CTNNA3: variants seen among roughly 807,000 people sequenced by gnomAD.
CTNNA3 encodes catenin alpha-3.
A neutral mutation model predicts 95.7 loss-of-function variants in CTNNA3; 76 were observed. The observed-to-expected ratio is 0.79, with a 90% confidence interval of 0.66 to 0.96. CTNNA3 has a LOEUF of 0.96. CTNNA3 is among the 40% of genes least tolerant of loss of function. The pLI, the probability that CTNNA3 is intolerant of heterozygous loss-of-function variation, is 0.00. For missense variants in CTNNA3, 1,191 were observed against 1,089.8 expected (o/e 1.09, Z -1.31); for synonymous variants, 431 against 374.4 (o/e 1.15, Z -1.74).
chr10:67,443,041 C>T (rs1381283995), intron 5 of CTNNA3, among the ~76,000 whole-genome samples: 9 of 146,682 alleles, frequency 6.1e-5, no homozygotes, highest in Admixed American at 2.1e-4. Context: ...TGAGAACATG[C>T]GGTGTTTGGT....
At chr10:67,115,179 C>A (rs1225126753) in intron 7 of CTNNA3, among the ~76,000 whole-genome samples, 1 of 152,034 alleles carries the variant, frequency 6.6e-6, no homozygotes, top group South Asian at 2.1e-4. Flanking sequence ...ATGCAAAAGC[C>A]TCATGGAAGC....
At chr10:67,662,445 A>G (rs775047029) in intron 1 of CTNNA3, among the ~76,000 whole-genome samples, 7 of 152,236 alleles carry the variant, frequency 4.6e-5, no homozygotes, top group Non-Finnish European at 1.0e-4. Context: ...GTCAGAAACT[A>G]GAAACAACTC....
At chr10:66,897,147 G>A (rs751696354) in intron 7 of CTNNA3, among the ~76,000 whole-genome samples, 8 of 152,094 alleles carry the variant, frequency 5.3e-5, no homozygotes, top group Non-Finnish European at 1.0e-4. Context: ...TGAAAAAAAT[G>A]AGAAATATTA....
intron 2 of CTNNA3, among the ~76,000 whole-genome samples, chr10:67,614,017 G>A (rs1843561340): frequency 6.6e-6 from 1 of 152,012 alleles, no homozygotes; most frequent in Non-Finnish European, 1.5e-5. Context: ...GATTTATTTT[G>A]AAGCGTGAAA....
chr10:66,066,887 T>C (rs955840554), intron 15 of CTNNA3, among the ~76,000 whole-genome samples: 1 of 152,168 alleles, frequency 6.6e-6, no homozygotes, highest in Non-Finnish European at 1.5e-5. Flanking sequence ...TTTAAAAAAC[T>C]TGACTTTATT....
chr10:67,477,782 G>A (rs79376080), intron 5 of CTNNA3, among the ~76,000 whole-genome samples: 160 of 152,246 alleles, frequency 1.1e-3, no homozygotes, highest in African/African-American at 3.7e-3. Context: ...TGAAAAACCT[G>A]GATGAAGCAA....
At chr10:67,175,364 A>C (rs1456250739) in intron 7 of CTNNA3, among the ~76,000 whole-genome samples, 1 of 152,192 alleles carries the variant, frequency 6.6e-6, no homozygotes, top group Non-Finnish European at 1.5e-5. Flanking sequence ...AGGTCTATAC[A>C]AAAGGAAAAA....
At position 66,803,076 on chromosome 10, in the gene CTNNA3, G is replaced by A. The variant is rs571133028; in HGVS notation, c.1048-27552C>T. Reference sequence around the variant, plus strand: ...CATATTTTTCAAAACACATCAAACTGTAACATTTAAGATCTCTGCATTTAA... The same window carrying A: ...CATATTTTTCAAAACACATCAAACTATAACATTTAAGATCTCTGCATTTAA... On this transcript the variant is annotated intron_variant, in intron 7 of 17. Coordinates refer to ENST00000433211, the MANE Select transcript of CTNNA3 (RefSeq NM_013266.4). 1.8e-4 allele frequency among the ~76,000 whole-genome samples: 28 copies of A among 151,976 alleles called. 1 individual carries two copies. In the South Asian group the frequency reaches 5.6e-3, roughly 30 times the overall value.
intron 10 of CTNNA3, among the ~76,000 whole-genome samples, chr10:66,608,922 A>G (rs536595927): frequency 7.6e-4 from 116 of 152,290 alleles, no homozygotes; most frequent in Admixed American, 5.6e-3. Flanking sequence ...TTACAACAAA[A>G]GAAAAAATTG....
At chr10:66,452,807 CA>C (rs1164068973) in intron 11 of CTNNA3, among the ~76,000 whole-genome samples, 1 of 152,108 alleles carries the variant, frequency 6.6e-6, no homozygotes. Flanking sequence ...TCACGGCCCC[CA>C]GGAACTGACT....
chr10:67,669,920 G>T (rs1354872335), intron 1 of CTNNA3, among the ~76,000 whole-genome samples: 2 of 152,194 alleles, frequency 1.3e-5, no homozygotes, highest in African/African-American at 4.8e-5. Context: ...TGGATAGCAA[G>T]AAAACCTGGT....
intron 1 of CTNNA3, among the ~76,000 whole-genome samples, chr10:67,678,167 A>T (rs2133563618): frequency 6.6e-6 from 1 of 152,320 alleles, no homozygotes; most frequent in Non-Finnish European, 1.5e-5. Context: ...AGAGGAAGAC[A>T]CTTTCTTAAA....
chr10:67,481,952 C>A (rs1848249649), intron 5 of CTNNA3, among the ~76,000 whole-genome samples: 1 of 151,896 alleles, frequency 6.6e-6, no homozygotes, highest in Non-Finnish European at 1.5e-5. Flanking sequence ...GATCCAGTTT[C>A]AGCTTTCTCC....
chr10:67,322,749 T>C (rs529280111), intron 5 of CTNNA3, among the ~76,000 whole-genome samples: 3 of 152,348 alleles, frequency 2.0e-5, no homozygotes, highest in East Asian at 1.9e-4. Context: ...AGTATTTGAA[T>C]TGCTGGATCA....
intron 9 of CTNNA3, among the ~76,000 whole-genome samples, chr10:66,732,899 G>C (rs1186418961): frequency 6.6e-6 from 1 of 152,022 alleles, no homozygotes; most frequent in Admixed American, 6.5e-5. Context: ...AGGTTCAAGT[G>C]ATTCTCATGC....
intron 10 of CTNNA3, among the ~76,000 whole-genome samples, chr10:66,612,136 AT>A (rs1379550857): frequency 6.6e-6 from 1 of 152,106 alleles, no homozygotes; most frequent in Non-Finnish European, 1.5e-5. Context: ...CACCTCCATC[AT>A]CACAATCATC....
At chr10:67,056,613 T>A (rs751820153) in intron 7 of CTNNA3, among the ~76,000 whole-genome samples, 1 of 152,086 alleles carries the variant, frequency 6.6e-6, no homozygotes, top group African/African-American at 2.4e-5. Flanking sequence ...TTCCTAAGGA[T>A]AACAATAAGG....
At chr10:66,751,607 A>G (rs990693169) in intron 9 of CTNNA3, among the ~76,000 whole-genome samples, 12 of 152,206 alleles carry the variant, frequency 7.9e-5, no homozygotes, top group Admixed American at 1.3e-4. Flanking sequence ...TAAGTTGCTC[A>G]GATTCACATG....
chr10:66,118,858 A>G (rs1324063465), intron 13 of CTNNA3, among the ~76,000 whole-genome samples: 1 of 152,002 alleles, frequency 6.6e-6, no homozygotes, highest in Admixed American at 6.6e-5. Context: ...AATTGAATTA[A>G]CCGCAATGAC....
Sources: gnomAD v4.1 joint callset for allele counts (sites outside exome capture counted in the v4.1 genomes callset) on GRCh38, gnomAD v4.1.1 for gene constraint, MANE v1.5 for transcripts, NCBI Gene and HGNC (gene_info 2026-07-23, HGNC 2026-07-21) for gene names.